The following RTN4RL1 variants were observed in gnomAD, a reference collection of about 807,000 sequenced individuals.
RTN4RL1 encodes reticulon 4 receptor like 1, also known as reticulon-4 receptor-like 1.
Under a neutral mutation model 25.6 loss-of-function variants are expected in RTN4RL1, and 7 were observed. The ratio of observed to expected loss-of-function variants is 0.27; its 90% confidence interval spans 0.16 to 0.51. The LOEUF is 0.51. Ranked by LOEUF, RTN4RL1 falls within the 20% of genes least tolerant of loss-of-function variation. RTN4RL1 has a pLI of 0.97. For synonymous variants in RTN4RL1, 297 were observed against 288.2 expected (o/e 1.03, Z -0.31); for missense variants, 500 against 615.6 (o/e 0.81, Z 1.99).
intron 1 of RTN4RL1, among the ~76,000 whole-genome samples, chr17:1,948,421 G>A (rs1915604247): frequency 6.6e-6 from 1 of 152,260 alleles, no homozygotes; most frequent in South Asian, 2.1e-4. Context: ...GCTTCTGAGA[G>A]CTTGCCCTTC....
At chr17:2,007,335 C>CA (rs1331092273) in intron 1 of RTN4RL1, among the ~76,000 whole-genome samples, 2,144 of 117,446 alleles carry the variant, frequency 0.018, 66 homozygotes, top group African/African-American at 0.068. Context: ...GTTCACAGCC[C>CA]CAACACACAC....
At chr17:1,982,233 G>C (rs1400275325) in intron 1 of RTN4RL1, among the ~76,000 whole-genome samples, 1 of 152,128 alleles carries the variant, frequency 6.6e-6, no homozygotes, top group Non-Finnish European at 1.5e-5. Flanking sequence ...CCCAGGAGGC[G>C]GAGGTTGCAG....
At chr17:1,987,007 C>T (rs2066890219) in intron 1 of RTN4RL1, among the ~76,000 whole-genome samples, 1 of 152,174 alleles carries the variant, frequency 6.6e-6, no homozygotes. Context: ...GCCTTCGGGG[C>T]TGCCGCTGCG....
At position 2,013,252 on chromosome 17, in the gene RTN4RL1, AC is replaced by A. The variant is rs1304711792; in HGVS notation, c.13+11600del. ...TCATAACCACCCCCAACACATACAGACCCCCAGGGCTAAGTGAGGGGGAGCT... is the reference window on the plus strand; with the variant it reads ...TCATAACCACCCCCAACACATACAGACCCCAGGGCTAAGTGAGGGGGAGCT... On this transcript the variant is annotated intron_variant, in intron 1 of 1. Transcript: ENST00000331238. Among the ~76,000 whole-genome samples the A allele has an allele frequency of 5.3e-5, 8 of 152,008 alleles. No individual in the cohort carries two copies. In the East Asian group the frequency reaches 1.2e-3, roughly 22 times the overall value.
intron 1 of RTN4RL1, among the ~76,000 whole-genome samples, chr17:1,938,778 C>T (rs1044012373): frequency 4.7e-5 from 7 of 149,210 alleles, no homozygotes; most frequent in South Asian, 2.3e-4. Flanking sequence ...TGGCCGGGCG[C>T]GGTGGCTCAC....
At chr17:1,948,939 C>T (rs1433821917) in intron 1 of RTN4RL1, among the ~76,000 whole-genome samples, 6 of 151,542 alleles carry the variant, frequency 4.0e-5, no homozygotes, top group African/African-American at 1.5e-4. Context: ...ATTACAGGCA[C>T]CTGCCACCAC....
intron 1 of RTN4RL1, among the ~76,000 whole-genome samples, chr17:1,977,950 GATCCTGC>G (rs1266718881): frequency 7.0e-6 from 1 of 143,732 alleles, no homozygotes; most frequent in African/African-American, 2.6e-5. Context: ...CTGCACCCTG[GATCCTGC>G]ATCCTGCACC....
intron 1 of RTN4RL1, among the ~76,000 whole-genome samples, chr17:1,966,900 G>A (rs938095027): frequency 2.6e-5 from 4 of 151,876 alleles, no homozygotes; most frequent in Non-Finnish European, 5.9e-5. Context: ...TCCAAACCTC[G>A]CCCAGTCTCT....
chr17:2,022,715 C>T (rs1245123089), intron 1 of RTN4RL1, among the ~76,000 whole-genome samples: 3 of 152,252 alleles, frequency 2.0e-5, no homozygotes, highest in African/African-American at 7.2e-5. Context: ...GGGGCGGTCT[C>T]CAGGTCACCC....
Position 1,937,109 on chromosome 17 carries a change from C to T in RTN4RL1, c.713G>A (p.Gly238Asp). The change falls in exon 2 of 2, where the codon GGT becomes GAT. Residue 238 changes from glycine to aspartate, a missense_variant. Physicochemically the swap from Gly to Asp is moderately conservative, Grantham distance 94 (BLOSUM62 -1). Around this residue, in one of 2 missense-constraint regions of RTN4RL1, gnomAD observed 232 missense variants for 341.1 expected, o/e 0.68. Transcript: ENST00000331238. ...GGCCCCCAGCGGGGCCAGGCACTCA[C>T]CCTGCAGCTCCGAGAGGCTGTTGTT... ...LFNNSLSELQ[G>D]ECLAPLGALE... is the part of the protein sequence containing the mutation. The T allele has an allele frequency of 3.1e-6, 5 of 1,608,848 alleles. No homozygotes were observed. The highest frequency in any genetic ancestry group is 1.1e-5 in the South Asian group (1 of 90,386).
At chr17:1,945,372 G>A (rs999173119) in intron 1 of RTN4RL1, among the ~76,000 whole-genome samples, 3 of 152,096 alleles carry the variant, frequency 2.0e-5, no homozygotes, top group Admixed American at 6.6e-5. Flanking sequence ...ACAGGTGCCC[G>A]CCACCATGCC....
intron 1 of RTN4RL1, among the ~76,000 whole-genome samples, chr17:1,967,373 C>T (rs549244197): frequency 6.6e-6 from 1 of 152,262 alleles, no homozygotes; most frequent in South Asian, 2.1e-4. Flanking sequence ...CCTCAGCATC[C>T]TCAGCTCCCC....
chr17:1,993,400 C>T (rs978184206), intron 1 of RTN4RL1, among the ~76,000 whole-genome samples: 28 of 152,314 alleles, frequency 1.8e-4, no homozygotes, highest in African/African-American at 6.5e-4. Context: ...CACTTCTAAG[C>T]ATGTGTCCTG....
intron 1 of RTN4RL1, among the ~76,000 whole-genome samples, chr17:1,999,893 G>C (rs1045167850): frequency 2.0e-5 from 3 of 152,256 alleles, no homozygotes; most frequent in Non-Finnish European, 4.4e-5. Context: ...CTCCTGTCTA[G>C]GGCCCAGAGC....
At chr17:1,950,821 G>T in intron 1 of RTN4RL1, among the ~76,000 whole-genome samples, 1 of 139,050 alleles carries the variant, frequency 7.2e-6, no homozygotes, top group Non-Finnish European at 1.5e-5. Flanking sequence ...ACTCCAACCT[G>T]GGCGACAGAG....
At chr17:1,979,085 C>G (rs1239642941) in intron 1 of RTN4RL1, among the ~76,000 whole-genome samples, 1 of 152,246 alleles carries the variant, frequency 6.6e-6, no homozygotes, top group African/African-American at 2.4e-5. Flanking sequence ...CCAGCCTGGC[C>G]AACACGGTGA....
intron 1 of RTN4RL1, among the ~76,000 whole-genome samples, chr17:1,999,592 C>T (rs142740107): frequency 3.9e-5 from 6 of 152,214 alleles, no homozygotes; most frequent in South Asian, 4.1e-4. Context: ...CAAGCACACA[C>T]GTACACAGAA....
At chr17:1,940,707 C>G (rs1382245802) in intron 1 of RTN4RL1, among the ~76,000 whole-genome samples, 1 of 152,300 alleles carries the variant, frequency 6.6e-6, no homozygotes, top group South Asian at 2.1e-4. Context: ...AGCCGACACT[C>G]CCCGTCTCTC....
chr17:1,966,523 A>G (rs112068936), intron 1 of RTN4RL1, among the ~76,000 whole-genome samples: 1 of 152,168 alleles, frequency 6.6e-6, no homozygotes, highest in Non-Finnish European at 1.5e-5. Context: ...TTCCCTGGAC[A>G]GGAGTGCTTC....
Sources: allele counts gnomAD v4.1 joint callset (sites outside exome capture counted in the v4.1 genomes callset), GRCh38; gene constraint gnomAD v4.1.1; regional missense constraint gnomAD v4.1.1; transcripts MANE v1.5; gene names NCBI Gene and HGNC (gene_info 2026-07-23, HGNC 2026-07-21).